TPRG1: variants seen among roughly 807,000 people sequenced by gnomAD.
The protein encoded by TPRG1 is tumor protein p63-regulated gene 1 protein.
TPRG1 carries 29 observed loss-of-function variants against 29.3 expected under a neutral mutation model. The ratio of observed to expected loss-of-function variants is 0.99; its 90% CI spans 0.74 to 1.35. TPRG1 has a LOEUF of 1.35. Among genes scored for constraint, TPRG1 ranks in the 40% most tolerant of loss-of-function variants. The pLI, the probability that TPRG1 is intolerant of heterozygous loss-of-function variation, is 0.00. For synonymous variants in TPRG1, 130 were observed against 116.8 expected (o/e 1.11, Z -0.73); for missense variants, 327 against 335.0 (o/e 0.98, Z 0.19).
intron 4 of TPRG1, among the ~76,000 whole-genome samples, chr3:189,257,644 A>G (rs897094082): frequency 6.6e-6 from 1 of 152,148 alleles, no homozygotes; most frequent in Admixed American, 6.5e-5. Context: ...ATGTATACCA[A>G]TCAAATGTAG....
At chr3:189,249,003 G>T (rs1486904625) in intron 4 of TPRG1, among the ~76,000 whole-genome samples, 1 of 151,150 alleles carries the variant, frequency 6.6e-6, no homozygotes, top group Non-Finnish European at 1.5e-5. Flanking sequence ...TAAATAAATG[G>T]TAGTGAGATT....
intron 2 of TPRG1, among the ~76,000 whole-genome samples, chr3:189,213,269 T>G (rs966762875): frequency 2.2e-4 from 33 of 152,328 alleles, no homozygotes; most frequent in Admixed American, 1.2e-3. Context: ...AGCAAACTGA[T>G]GTACGGAATG....
chr3:189,054,445 G>C (rs981163949), intron 4 of TPRG1, among the ~76,000 whole-genome samples: 4 of 150,954 alleles, frequency 2.6e-5, no homozygotes, highest in Non-Finnish European at 4.4e-5. Context: ...ATAAGCCACT[G>C]CATCTAGCCT....
intron 4 of TPRG1, among the ~76,000 whole-genome samples, chr3:189,244,154 G>A (rs1266063045): frequency 6.6e-6 from 1 of 152,146 alleles, no homozygotes; most frequent in East Asian, 1.9e-4. Context: ...GGTTTGCCGT[G>A]TGCAATGGCT....
intron 5 of TPRG1, among the ~76,000 whole-genome samples, chr3:189,161,589 A>C (rs1159985121): frequency 6.6e-6 from 1 of 152,196 alleles, no homozygotes; most frequent in Non-Finnish European, 1.5e-5. Flanking sequence ...AGTAGGGTCT[A>C]AAGAAAATGA....
At chr3:189,144,836 G>A (rs1022767353) in intron 3 of TPRG1, among the ~76,000 whole-genome samples, 6 of 152,170 alleles carry the variant, frequency 3.9e-5, no homozygotes, top group Admixed American at 6.5e-5. Context: ...TTTAGCAGTG[G>A]ACTTAACACG....
At position 189,141,114 on chromosome 3, in the gene TPRG1, AG is replaced by A. The variant is rs563787271; in HGVS notation, c.-290-6469del. Reference sequence around the variant, plus strand: ...ATACTTTAAATTCAATGCAGGAAAAAGAGCTGCATGCCTACAGGTCTCTGTA... The same window carrying A: ...ATACTTTAAATTCAATGCAGGAAAAAAGCTGCATGCCTACAGGTCTCTGTA... On this transcript the variant is annotated intron_variant, in intron 3 of 6. Coordinates refer to the TPRG1 transcript ENST00000412373. 1.3e-4 allele frequency among the ~76,000 whole-genome samples: 20 copies of A among 152,362 alleles called. No homozygotes were observed. In the South Asian group the frequency reaches 3.9e-3, roughly 30 times the overall value.
intron 4 of TPRG1, among the ~76,000 whole-genome samples, chr3:189,063,297 T>C (rs1476239502): frequency 2.6e-5 from 4 of 152,102 alleles, no homozygotes; most frequent in Non-Finnish European, 5.9e-5. Flanking sequence ...TAGGTAAATC[T>C]ACAGTTATAA....
intron 3 of TPRG1, among the ~76,000 whole-genome samples, chr3:189,135,387 G>A (rs1723621600): frequency 6.6e-6 from 1 of 152,176 alleles, no homozygotes; most frequent in South Asian, 2.1e-4. Context: ...CATTCAACAT[G>A]ACAAGTTTCA....
chr3:189,102,861 G>A (rs1719365434), intron 1 of TPRG1, among the ~76,000 whole-genome samples: 2 of 152,054 alleles, frequency 1.3e-5, no homozygotes, highest in Non-Finnish European at 2.9e-5. Context: ...GGAACTTCTG[G>A]TAGGTCCTCA....
At chr3:189,021,452 G>T (rs1444508213) in intron 3 of TPRG1, among the ~76,000 whole-genome samples, 5 of 151,978 alleles carry the variant, frequency 3.3e-5, no homozygotes, top group Admixed American at 3.3e-4. Flanking sequence ...CTCGGCATTT[G>T]CTTGTCTGTA....
In TPRG1 at chr3:189,215,511, AC is replaced by A. The variant is rs1397196425; in HGVS notation, c.302+130del. On this transcript the variant is annotated intron_variant, in intron 3 of 5. Coordinates refer to ENST00000345063, the MANE Select transcript of TPRG1 (RefSeq NM_198485.4). ...GCTACATAAGATAAATGATTGAATT[AC>A]CAGGTTAGTCACATTTTCCAGCATT... 1.6e-5 allele frequency: 13 copies of A among 811,548 alleles called. No homozygotes were observed. The South Asian group carries it at 2.0e-4, about 12-fold the overall frequency. 50.3% of individuals were successfully genotyped at this position (811,548 alleles called of 1,614,324 possible).
intron 3 of TPRG1, among the ~76,000 whole-genome samples, chr3:189,232,657 G>T (rs543130379): frequency 2.0e-5 from 3 of 152,166 alleles, no homozygotes; most frequent in Non-Finnish European, 2.9e-5. Context: ...ATGGGATAGT[G>T]GGGGGAAAAG....
intron 1 of TPRG1, among the ~76,000 whole-genome samples, chr3:189,103,701 AG>A (rs1477193468): frequency 1.3e-5 from 2 of 152,168 alleles, no homozygotes; most frequent in African/African-American, 4.8e-5. Context: ...GGATATAATC[AG>A]GGGGTCTAAG....
At position 189,043,079 on chromosome 3, in the gene TPRG1, G is replaced by A. The variant is rs544218706; in HGVS notation, c.-463+19133G>A. Among the ~76,000 whole-genome samples the A allele has an allele frequency of 2.0e-5, 3 of 152,236 alleles. 1 individual carries two copies. Among genetic ancestry groups the A allele is most frequent in the South Asian group, 4.1e-4 (2 of 4,824 alleles). On this transcript the variant is annotated intron_variant, in intron 4 of 10. Transcript: ENST00000433971. ...CACTATGGGATCTGCTAACTATAAG[G>A]CCTTTCTACTTTCACCTTGTTTCAC...
At chr3:189,175,188 A>T (rs1729318022) in intron 1 of TPRG1, among the ~76,000 whole-genome samples, 4 of 152,212 alleles carry the variant, frequency 2.6e-5, no homozygotes. Flanking sequence ...GCAAATATTG[A>T]GGTCTCACGA....
chr3:189,031,661 T>C (rs1008131792), intron 4 of TPRG1, among the ~76,000 whole-genome samples: 1 of 152,206 alleles, frequency 6.6e-6, no homozygotes, highest in African/African-American at 2.4e-5. Flanking sequence ...GTCCACAAAA[T>C]ACAAATATGT....
intron 2 of TPRG1, among the ~76,000 whole-genome samples, chr3:189,004,045 A>G (rs1712166146): frequency 6.6e-6 from 1 of 152,286 alleles, no homozygotes; most frequent in South Asian, 2.1e-4. Context: ...TGAATCCGAC[A>G]GAGAAAACTG....
intron 1 of TPRG1, chr3:189,207,094 C>T (rs571522816): frequency 1.3e-6 from 1 of 778,164 alleles, no homozygotes; most frequent in Non-Finnish European, 1.6e-6. Flanking sequence ...TTTTATATAG[C>T]TCTTCTCTTG....
Sources: allele counts gnomAD v4.1 joint callset (sites outside exome capture counted in the v4.1 genomes callset), GRCh38; gene constraint gnomAD v4.1.1; transcripts MANE v1.5; gene names NCBI Gene and HGNC (gene_info 2026-07-23, HGNC 2026-07-21).